Variants in NAA35 observed in about 807,000 individuals in gnomAD.
NAA35 encodes the protein N-alpha-acetyltransferase 35, NatC auxiliary subunit, also known as MAK10 homolog, amino-acid N-acetyltransferase subunit.
NAA35 carries 18 observed loss-of-function variants against 101.7 expected under a neutral mutation model. The observed-to-expected ratio is 0.18, with a 90% CI of 0.12 to 0.26. The LOEUF is 0.26. Ranked by LOEUF, NAA35 falls within the 10% of genes least tolerant of loss-of-function variation. The pLI is 1.00. For missense variants in NAA35, 601 were observed against 886.8 expected, an observed-to-expected ratio of 0.68 and a Z score of 4.09; for synonymous variants, 267 against 273.1, an observed-to-expected ratio of 0.98 and a Z score of 0.22.
At chr9:85,973,904 T>C (rs1367197665) in intron 6 of NAA35, among the ~76,000 whole-genome samples, 1 of 152,006 alleles carries the variant, frequency 6.6e-6, no homozygotes, top group African/African-American at 2.4e-5. Context: ...ATCCAGAAAT[T>C]GTGCTGTAGC....
At chr9:85,944,937 A>G (rs1828692499) in intron 2 of NAA35, among the ~76,000 whole-genome samples, 1 of 152,202 alleles carries the variant, frequency 6.6e-6, no homozygotes, top group South Asian at 2.1e-4. Context: ...AGTCTCAATG[A>G]AATACGACTA....
At chr9:85,946,350 C>T (rs1046701379) in intron 2 of NAA35, among the ~76,000 whole-genome samples, 8 of 152,108 alleles carry the variant, frequency 5.3e-5, no homozygotes, top group African/African-American at 1.9e-4. Flanking sequence ...AGGCTGGTCT[C>T]AAACTCCTGG....
At chr9:85,988,270 A>G (rs1469477779) in intron 11 of NAA35, among the ~76,000 whole-genome samples, 1 of 152,268 alleles carries the variant, frequency 6.6e-6, no homozygotes, top group Non-Finnish European at 1.5e-5. Flanking sequence ...AAAGAAGCAG[A>G]TGAAAAACAC....
At chr9:85,978,863 A>G (rs780470198) in intron 11 of NAA35, among the ~76,000 whole-genome samples, 108 of 152,242 alleles carry the variant, frequency 7.1e-4, no homozygotes, top group Non-Finnish European at 7.6e-4. Flanking sequence ...ATCTTTATTT[A>G]AATTGTAAAC....
intron 2 of NAA35, among the ~76,000 whole-genome samples, chr9:85,951,878 T>C (rs1445765014): frequency 6.6e-6 from 1 of 152,222 alleles, no homozygotes; most frequent in Admixed American, 6.5e-5. Context: ...CAGGCTGGTC[T>C]GGAACTCCTG....
rs182913592 is a variant in NAA35, at chr9:85,959,911, C to T, written c.348+44C>T. On this transcript the variant is annotated intron_variant, in intron 5 of 22. Coordinates refer to ENST00000361671, the MANE Select transcript of NAA35 (RefSeq NM_024635.4). ...CTATTGGTTAATTTTAAAACTGTGA[C>T]TTACCTGAATCTTGTGATTTAAAAG... is the stretch of plus-strand genomic sequence containing the variant. The T allele has an allele frequency of 2.5e-3, 3,478 of 1,394,468 alleles. 72 individuals carry two copies. In the South Asian group the frequency reaches 0.027, roughly 11 times the overall value. The allele number at this position is 1,394,468 out of a possible 1,614,324, so 86.4% of individuals were successfully genotyped here.
chr9:85,967,468 A>G (rs1384911356), intron 6 of NAA35, among the ~76,000 whole-genome samples: 1 of 152,238 alleles, frequency 6.6e-6, no homozygotes, highest in Middle Eastern at 3.4e-3. Context: ...TTATAATTAG[A>G]AAAAAATACG....
intron 6 of NAA35, among the ~76,000 whole-genome samples, chr9:85,964,299 CATGTATAT>C (rs916923667): frequency 3.3e-5 from 5 of 152,134 alleles, no homozygotes; most frequent in African/African-American, 1.2e-4. Context: ...TGCTCTCTCT[CATGTATAT>C]ATGTATGTAT....
rs1829695433 is a variant in NAA35 at position 85,965,267 on chromosome 9, T to C, written c.516+3087T>C. On this transcript the variant is annotated intron_variant, in intron 6 of 22. Coordinates refer to ENST00000361671, the MANE Select transcript of NAA35 (RefSeq NM_024635.4). ...TACAGAATTGTTTGTAGTAACTAGT[T>C]TGGAAACCACCTCAGTATCCATCAG... Among the ~76,000 whole-genome samples, 3 of 152,210 alleles carry C rather than the reference T, an allele frequency of 2.0e-5. No homozygotes were observed. In the South Asian group the frequency reaches 6.2e-4, roughly 32 times the overall value.
At chr9:85,956,306 A>T (rs532973324) in intron 2 of NAA35, 54 bp from the exon 3 acceptor site, 36 of 1,094,456 alleles carry the variant, frequency 3.3e-5, no homozygotes, top group Non-Finnish European at 4.4e-5. Context: ...TTTTTCTTAG[A>T]ATTAAAAGTT....
At chr9:85,996,682 T>C (rs1255549203) in intron 12 of NAA35, 105 bp downstream of exon 12, 1 of 802,134 alleles carries the variant, frequency 1.2e-6, no homozygotes, top group African/African-American at 1.8e-5. Flanking sequence ...AACAGAATAA[T>C]TGATTGCTTT....
At chr9:85,941,548 C>CCGGGG (rs1484418018) in intron 1 of NAA35, 22 of 985,434 alleles carry the variant, frequency 2.2e-5, no homozygotes, top group Non-Finnish European at 2.7e-5. Context: ...CCCAGTGGGA[C>CCGGGG]CGGGGCTGGG....
chr9:85,943,533 T>C (rs1828615036), intron 2 of NAA35, among the ~76,000 whole-genome samples: 1 of 152,162 alleles, frequency 6.6e-6, no homozygotes, highest in Admixed American at 6.5e-5. Flanking sequence ...TGATAAATCA[T>C]GTGCCATCCT....
At chr9:85,949,389 G>C (rs992877307) in intron 2 of NAA35, among the ~76,000 whole-genome samples, 1 of 151,218 alleles carries the variant, frequency 6.6e-6, no homozygotes, top group Non-Finnish European at 1.5e-5. Context: ...CCACCTCCCA[G>C]GTTCAAGCGA....
At chr9:85,985,069 G>A (rs1431056889) in intron 11 of NAA35, among the ~76,000 whole-genome samples, 4 of 152,202 alleles carry the variant, frequency 2.6e-5, no homozygotes, top group Admixed American at 2.6e-4. Flanking sequence ...AACAACATTA[G>A]TCTTCAGGGA....
chr9:85,955,386 A>G (rs1288101355), intron 2 of NAA35, among the ~76,000 whole-genome samples: 2 of 97,386 alleles, frequency 2.1e-5, no homozygotes, highest in Non-Finnish European at 2.0e-5. Flanking sequence ...TTCTTCAGAC[A>G]GAGTCTCGCT....
At chr9:85,972,023 A>C (rs1325050403) in intron 6 of NAA35, among the ~76,000 whole-genome samples, 1 of 152,148 alleles carries the variant, frequency 6.6e-6, no homozygotes, top group Non-Finnish European at 1.5e-5. Flanking sequence ...GTCTGTTTAC[A>C]TGACTCTCTT....
chr9:86,009,414 C>T (rs1831800375), intron 14 of NAA35, among the ~76,000 whole-genome samples: 1 of 151,978 alleles, frequency 6.6e-6, no homozygotes, highest in South Asian at 2.1e-4. Flanking sequence ...AGATGACGTG[C>T]CAAAGGGAGG....
chr9:85,980,977 T>C, intron 11 of NAA35, among the ~76,000 whole-genome samples: 1 of 152,138 alleles, frequency 6.6e-6, no homozygotes, highest in East Asian at 1.9e-4. Flanking sequence ...ACACCTACCC[T>C]CCATTTAGAG....
Sources: gnomAD v4.1 joint callset for allele counts (sites outside exome capture counted in the v4.1 genomes callset) on GRCh38, gnomAD v4.1.1 for gene constraint, MANE v1.5 for transcripts, NCBI Gene and HGNC (gene_info 2026-07-23, HGNC 2026-07-21) for gene names.